OPCML: variants seen among roughly 807,000 people sequenced by gnomAD.
OPCML encodes opioid binding protein/cell adhesion molecule like.
A neutral mutation model predicts 37.8 loss-of-function variants in OPCML; 13 were observed. The observed-to-expected ratio is 0.34, with a 90% CI of 0.22 to 0.55. OPCML has a LOEUF of 0.55. Ranked by LOEUF, OPCML falls within the 20% of genes least tolerant of loss-of-function variation. The pLI is 0.91. For missense variants in OPCML, 341 were observed against 435.6 expected (o/e 0.78, Z 1.93); for synonymous variants, 176 against 168.8 (o/e 1.04, Z -0.33).
chr11:132,852,245 G>A (rs1485833912), intron 2 of OPCML, among the ~76,000 whole-genome samples: 1 of 152,016 alleles, frequency 6.6e-6, no homozygotes. Context: ...AAAAATGGGG[G>A]CTCCCACATA....
intron 1 of OPCML, among the ~76,000 whole-genome samples, chr11:133,192,512 G>A (rs958073857): frequency 1.2e-4 from 18 of 152,182 alleles, no homozygotes; most frequent in Admixed American, 3.3e-4. Flanking sequence ...CCTTTCTGAA[G>A]GTAAAACTTG....
rs1396924495 is a variant in OPCML, at chr11:132,416,671, G to C, written c.*3522C>G. The stretch of plus-strand genomic sequence containing the variant: ...AGAGGCATGGATGTAAGAAGAAAGA[G>C]ACTGGGGCCTCTTTGTGACACAACA... On this transcript the variant is annotated 3_prime_UTR_variant, in exon 8 of 8. Coordinates refer to ENST00000524381, the MANE Select transcript of OPCML (RefSeq NM_001012393.5). 6.6e-6 allele frequency: 1 copy of C among 152,166 alleles called. No homozygotes were observed. The highest frequency in any genetic ancestry group is 1.5e-5 in the Non-Finnish European group (1 of 68,044). The allele number at this position is 152,166 out of a possible 1,614,324, so 9.4% of individuals were successfully genotyped here.
chr11:132,633,938 G>A (rs990045455), intron 3 of OPCML, among the ~76,000 whole-genome samples: 9 of 152,182 alleles, frequency 5.9e-5, no homozygotes, highest in Admixed American at 4.6e-4. Context: ...TACAGTGAGA[G>A]CCTCAAGGCC....
chr11:132,630,979 G>A (rs1298590056), intron 3 of OPCML, among the ~76,000 whole-genome samples: 2 of 151,894 alleles, frequency 1.3e-5, no homozygotes, highest in African/African-American at 4.8e-5. Context: ...AAAGACAGAA[G>A]AAAAATTCAG....
chr11:133,506,426 G>T (rs1431821904), intron 1 of OPCML, among the ~76,000 whole-genome samples: 1 of 152,152 alleles, frequency 6.6e-6, no homozygotes, highest in Non-Finnish European at 1.5e-5. Context: ...GGCTCAGAGG[G>T]CTTTGCTGAC....
Position 133,142,813 on chromosome 11 carries a change from G to A in OPCML, c.62-199803C>T, listed in dbSNP as rs138170509. On this transcript the variant is annotated intron_variant, in intron 1 of 7. Transcript: ENST00000524381. ...GATGACTTCAGGCCAAAGTCCAAAC[G>A]CTTTTTCCCCAAGTGCAAGGACTAT... 8.5e-5 allele frequency among the ~76,000 whole-genome samples: 13 copies of A among 152,108 alleles called. No homozygotes were observed. In the East Asian group the frequency reaches 2.0e-3, roughly 23 times the overall value.
intron 4 of OPCML, among the ~76,000 whole-genome samples, chr11:132,449,434 C>T (rs555325203): frequency 1.3e-5 from 2 of 152,082 alleles, no homozygotes; most frequent in South Asian, 2.1e-4. Flanking sequence ...CATTTTCATG[C>T]GTCTGAGGGT....
chr11:132,923,965 G>C (rs1288732953), intron 2 of OPCML, among the ~76,000 whole-genome samples: 1 of 151,700 alleles, frequency 6.6e-6, no homozygotes, highest in Non-Finnish European at 1.5e-5. Flanking sequence ...GTTTCTCCAT[G>C]TTGGTCAGGC....
At chr11:133,169,349 T>A (rs367708734) in intron 1 of OPCML, among the ~76,000 whole-genome samples, 42 of 152,118 alleles carry the variant, frequency 2.8e-4, no homozygotes, top group African/African-American at 9.4e-4. Flanking sequence ...AAGGAAATGA[T>A]CCTTTACTGA....
Position 132,933,799 on chromosome 11 carries a change from G to T in OPCML, c.146+9127C>A, listed in dbSNP as rs184425149. 1.5e-4 allele frequency among the ~76,000 whole-genome samples: 23 copies of T among 152,286 alleles called. No homozygotes were observed. In the East Asian group the frequency reaches 4.4e-3, roughly 29 times the overall value. Reference sequence around the variant, plus strand: ...GACAATTGGAAGAGGAATATCTTTAGAGATGGCAGAGAAAAGCACACGGCG... The same window carrying T: ...GACAATTGGAAGAGGAATATCTTTATAGATGGCAGAGAAAAGCACACGGCG... On this transcript the variant is annotated intron_variant, in intron 2 of 7. Transcript: ENST00000524381.
rs151184353 is a variant in OPCML, at chr11:132,923,092, A to AAATAAATAAATAAT, written c.146+19833_146+19834insATTATTTATTTATT. Among the ~76,000 whole-genome samples the AAATAAATAAATAAT allele has an allele frequency of 2.8e-3, 421 of 148,668 alleles. 2 individuals are homozygous for AAATAAATAAATAAT. Among genetic ancestry groups the AAATAAATAAATAAT allele is most frequent in the Middle Eastern group, 0.01 (3 of 288 alleles). On this transcript the variant is annotated intron_variant, in intron 2 of 7. Transcript: ENST00000524381. ...CCGTCTCAGAAAAAAATAAATAAAT[A>AAATAAATAAATAAT]AATAATAATAATAATAATAATATGG...
At position 133,044,398 on chromosome 11, in the gene OPCML, G is replaced by C. The variant is rs987207399; in HGVS notation, c.62-101388C>G. Among the ~76,000 whole-genome samples, 5 of 152,306 alleles carry C rather than the reference G, an allele frequency of 3.3e-5. No homozygotes were observed. In the South Asian group the frequency reaches 1.0e-3, roughly 32 times the overall value. ...CTTGAGCATGGGGAACAGAGAACAG[G>C]GGAGTAGGTAAGCTCACTAAGGAGA... On this transcript the variant is annotated intron_variant, in intron 1 of 7. Coordinates refer to ENST00000524381, the MANE Select transcript of OPCML (RefSeq NM_001012393.5).
chr11:133,105,478 G>A (rs1003726662), intron 1 of OPCML, among the ~76,000 whole-genome samples: 1 of 152,198 alleles, frequency 6.6e-6, no homozygotes, highest in Non-Finnish European at 1.5e-5. Context: ...CAGATGAATT[G>A]AAATGAGCAG....
chr11:132,848,951 A>G (rs1490169283), intron 2 of OPCML, among the ~76,000 whole-genome samples: 1 of 152,184 alleles, frequency 6.6e-6, no homozygotes, highest in Non-Finnish European at 1.5e-5. Context: ...GGTGAAGATA[A>G]ATCACTAGCT....
intron 1 of OPCML, among the ~76,000 whole-genome samples, chr11:133,087,202 C>T (rs1591989512): frequency 6.6e-6 from 1 of 152,178 alleles, no homozygotes; most frequent in Non-Finnish European, 1.5e-5. Flanking sequence ...TCAACATTAT[C>T]GTTATATTTA....
At chr11:132,592,873 T>G (rs371643734) in intron 3 of OPCML, among the ~76,000 whole-genome samples, 112 of 152,338 alleles carry the variant, frequency 7.4e-4, no homozygotes, top group African/African-American at 2.4e-3. Flanking sequence ...AATTGCTCAT[T>G]TATTCATCTA....
intron 2 of OPCML, among the ~76,000 whole-genome samples, chr11:132,707,614 T>A (rs1031306032): frequency 6.6e-6 from 1 of 152,216 alleles, no homozygotes; most frequent in African/African-American, 2.4e-5. Flanking sequence ...CAAAGGGGCA[T>A]TGTTTTAACC....
chr11:133,301,244 A>G lies in OPCML; in HGVS notation c.61+231020T>C, dbSNP rs146603086. ...TCTTTGTTACATCATCCATGGTACA[A>G]TTAACACAATCCCATGCCTAGAGTA... On this transcript the variant is annotated intron_variant, in intron 1 of 7. Transcript: ENST00000524381. The G allele has an allele frequency of 2.0e-5, 3 of 152,322 alleles. No individual in the cohort carries two copies. In the East Asian group the frequency reaches 5.8e-4, roughly 29 times the overall value. 9.4% of individuals were successfully genotyped at this position (152,322 alleles called of 1,614,324 possible).
chr11:132,460,290 T>C (rs1326573454), intron 4 of OPCML, among the ~76,000 whole-genome samples: 1 of 152,136 alleles, frequency 6.6e-6, no homozygotes, highest in Non-Finnish European at 1.5e-5. Context: ...TGATGCTACA[T>C]TGATTAGTGC....
Sources: gnomAD v4.1 joint callset for allele counts (sites outside exome capture counted in the v4.1 genomes callset) on GRCh38, gnomAD v4.1.1 for gene constraint, MANE v1.5 for transcripts, NCBI Gene and HGNC (gene_info 2026-07-23, HGNC 2026-07-21) for gene names.